Variants in VAT1L observed in about 807,000 individuals in gnomAD.
VAT1L encodes the protein vesicle amine transport 1 like.
In VAT1L, 34 loss-of-function variants were observed where a neutral mutation model predicts 44.1. The ratio of observed to expected loss-of-function variants is 0.77; its 90% CI spans 0.59 to 1.03. VAT1L has a LOEUF of 1.03. Among genes scored for constraint, VAT1L ranks in the 50% least tolerant of loss-of-function variants. The probability of loss-of-function intolerance (pLI) is 0.00; values close to 1 mark genes in which losing one functional copy is unlikely to be tolerated. For synonymous variants in VAT1L, 253 were observed against 202.2 expected (o/e 1.25, Z -2.13); for missense variants, 615 against 538.8 (o/e 1.14, Z -1.40).
intron 7 of VAT1L, among the ~76,000 whole-genome samples, chr16:77,946,279 C>CGTTTTTTTTTTTTTTTTTTTT (rs1223152362): frequency 2.8e-5 from 2 of 70,428 alleles, no homozygotes; most frequent in Admixed American, 2.3e-4. Flanking sequence ...GTTACTTGTT[C>CGTTTTTTTTTTTTTTTTTTTT]TTTTTTTTTT....
chr16:77,825,590 C>A, intron 3 of VAT1L, 129 bp downstream of exon 3: 1 of 1,062,542 alleles, frequency 9.4e-7, no homozygotes, highest in Non-Finnish European at 1.4e-6. Flanking sequence ...GTAGAGTTCA[C>A]ATGGACAGCA....
intron 3 of VAT1L, among the ~76,000 whole-genome samples, chr16:77,838,153 G>A (rs947535906): frequency 6.6e-6 from 1 of 152,134 alleles, no homozygotes; most frequent in African/African-American, 2.4e-5. Context: ...CTATAGTTCT[G>A]GCCCCTTGGA....
intron 1 of VAT1L, among the ~76,000 whole-genome samples, chr16:77,803,723 A>T (rs1405715409): frequency 6.6e-6 from 1 of 152,084 alleles, no homozygotes; most frequent in Admixed American, 6.6e-5. Context: ...CTGGCTACAC[A>T]TTCTTTTTAT....
At chr16:77,820,034 A>G (rs2016424499) in intron 2 of VAT1L, among the ~76,000 whole-genome samples, 1 of 152,216 alleles carries the variant, frequency 6.6e-6, no homozygotes, top group East Asian at 1.9e-4. Context: ...TGAAAAGTTC[A>G]ACTAATATTT....
intron 7 of VAT1L, among the ~76,000 whole-genome samples, chr16:77,907,652 A>G: frequency 6.6e-6 from 1 of 152,118 alleles, no homozygotes. Flanking sequence ...CCATAAAGCT[A>G]TAAGCTTTCT....
chr16:77,913,252 C>T (rs1474487115), intron 7 of VAT1L, among the ~76,000 whole-genome samples: 2 of 152,160 alleles, frequency 1.3e-5, no homozygotes, highest in East Asian at 3.8e-4. Context: ...GTGTATAGCA[C>T]ACTGTTAACT....
intron 3 of VAT1L, among the ~76,000 whole-genome samples, chr16:77,832,844 T>C (rs970237171): frequency 3.3e-5 from 5 of 152,184 alleles, no homozygotes; most frequent in African/African-American, 7.2e-5. Context: ...ACCAACATCA[T>C]CTTATCATTA....
intron 4 of VAT1L, among the ~76,000 whole-genome samples, chr16:77,866,959 G>A (rs921799289): frequency 1.3e-5 from 2 of 152,166 alleles, no homozygotes; most frequent in Non-Finnish European, 2.9e-5. Context: ...TTCAGTAGGT[G>A]GAGGGGGAAG....
chr16:77,794,620 A>G (rs374270587), intron 1 of VAT1L, among the ~76,000 whole-genome samples: 6 of 152,336 alleles, frequency 3.9e-5, no homozygotes, highest in African/African-American at 1.4e-4. Flanking sequence ...CCCTGTGTTT[A>G]TTCAAAATAA....
chr16:77,877,143 A>G (rs1453646863), intron 5 of VAT1L, among the ~76,000 whole-genome samples: 1 of 152,090 alleles, frequency 6.6e-6, no homozygotes, highest in African/African-American at 2.4e-5. Flanking sequence ...TCTCCAGCAA[A>G]ATGAGGCTCC....
At chr16:77,920,899 T>A (rs1240061272) in intron 7 of VAT1L, among the ~76,000 whole-genome samples, 1 of 151,882 alleles carries the variant, frequency 6.6e-6, no homozygotes, top group Non-Finnish European at 1.5e-5. Context: ...TTTCTCAGAA[T>A]GTATCCTCAT....
chr16:77,959,276 A>G (rs945324256), intron 7 of VAT1L, among the ~76,000 whole-genome samples: 3 of 152,196 alleles, frequency 2.0e-5, no homozygotes, highest in Non-Finnish European at 4.4e-5. Context: ...TCACTCTTCC[A>G]TCTGGGTCAG....
At chr16:77,790,957 G>C (rs1390526568) in intron 1 of VAT1L, among the ~76,000 whole-genome samples, 1 of 152,112 alleles carries the variant, frequency 6.6e-6, no homozygotes, top group Non-Finnish European at 1.5e-5. Flanking sequence ...CACACACACA[G>C]AAATCACTGC....
chr16:77,871,633 G>A (rs1423559386), intron 4 of VAT1L, among the ~76,000 whole-genome samples: 1 of 152,112 alleles, frequency 6.6e-6, no homozygotes, highest in Non-Finnish European at 1.5e-5. Context: ...GACCCTCACT[G>A]AGCCTCATTT....
At chr16:77,923,641 T>C (rs893580281) in intron 7 of VAT1L, among the ~76,000 whole-genome samples, 1 of 152,170 alleles carries the variant, frequency 6.6e-6, no homozygotes, top group Admixed American at 6.5e-5. Flanking sequence ...TCACACAGCT[T>C]TCTCCTCCGG....
chr16:77,839,877 T>C (rs896882109), intron 3 of VAT1L, among the ~76,000 whole-genome samples: 2 of 152,216 alleles, frequency 1.3e-5, no homozygotes, highest in South Asian at 4.1e-4. Flanking sequence ...ATTTAAAGAA[T>C]GTATTGATCT....
intron 3 of VAT1L, among the ~76,000 whole-genome samples, chr16:77,835,342 C>G (rs1470923269): frequency 2.0e-5 from 3 of 152,144 alleles, no homozygotes; most frequent in Admixed American, 1.3e-4. Context: ...TCTGAATAGT[C>G]TTTCCAGATT....
chr16:77,872,401 C>T (rs12596840), intron 4 of VAT1L, among the ~76,000 whole-genome samples: 41,508 of 151,882 alleles, frequency 0.27, 5,923 homozygotes, highest in East Asian at 0.47. Context: ...GAAGTGCCTT[C>T]CCTTTGTCAC....
intron 1 of VAT1L, among the ~76,000 whole-genome samples, chr16:77,791,301 T>C (rs1243135706): frequency 1.3e-5 from 2 of 152,188 alleles, no homozygotes; most frequent in Admixed American, 1.3e-4. Context: ...AACCTTTTTG[T>C]CATAATAGGA....
Sources: gnomAD v4.1 joint callset for allele counts (sites outside exome capture counted in the v4.1 genomes callset) on GRCh38, gnomAD v4.1.1 for gene constraint, MANE v1.5 for transcripts, NCBI Gene and HGNC (gene_info 2026-07-23, HGNC 2026-07-21) for gene names.